Variants in PSTPIP2 observed in about 807,000 individuals in gnomAD.
PSTPIP2 encodes proline-serine-threonine phosphatase-interacting protein 2.
Under a neutral mutation model 63.3 loss-of-function variants are expected in PSTPIP2, and 33 were observed. The ratio of observed to expected loss-of-function variants is 0.52; its 90% CI spans 0.40 to 0.70. The LOEUF (loss-of-function observed/expected upper bound fraction) is 0.70. Ranked by LOEUF, PSTPIP2 falls within the 30% of genes least tolerant of loss-of-function variation. The pLI, the probability that PSTPIP2 is intolerant of heterozygous loss-of-function variation, is 0.00. For synonymous variants in PSTPIP2, 125 were observed against 132.7 expected (o/e 0.94, Z 0.40); for missense variants, 312 against 400.7 (o/e 0.78, Z 1.89).
intron 3 of PSTPIP2, among the ~76,000 whole-genome samples, chr18:46,023,361 G>C (rs1907445779): frequency 6.6e-6 from 1 of 152,080 alleles, no homozygotes; most frequent in Non-Finnish European, 1.5e-5. Flanking sequence ...GGGGGTTCAA[G>C]ACCAGCCTGA....
intron 2 of PSTPIP2, chr18:46,028,904 G>A: frequency 6.4e-7 from 1 of 1,556,052 alleles, no homozygotes; most frequent in African/African-American, 1.4e-5. Flanking sequence ...TCTCTTCCAA[G>A]AGGAATCCTG....
intron 2 of PSTPIP2, among the ~76,000 whole-genome samples, chr18:46,036,061 G>T (rs980849949): frequency 6.6e-6 from 1 of 150,480 alleles, no homozygotes; most frequent in African/African-American, 2.4e-5. Flanking sequence ...ACTGTGTTTT[G>T]TTACTTACAG....
At chr18:46,033,550 T>C (rs1907856720) in intron 2 of PSTPIP2, among the ~76,000 whole-genome samples, 1 of 151,792 alleles carries the variant, frequency 6.6e-6, no homozygotes. Flanking sequence ...GTACAAAAAT[T>C]AGCTGGGTGT....
intron 1 of PSTPIP2, among the ~76,000 whole-genome samples, chr18:46,068,360 C>T (rs773490898): frequency 2.6e-4 from 40 of 152,180 alleles, no homozygotes; most frequent in East Asian, 7.8e-4. Flanking sequence ...TGCAATGGCA[C>T]GATCTCAGCT....
intron 1 of PSTPIP2, among the ~76,000 whole-genome samples, chr18:46,051,169 T>G (rs1048277432): frequency 8.5e-5 from 13 of 152,204 alleles, no homozygotes; most frequent in South Asian, 2.1e-4. Context: ...CCTGTTTGGA[T>G]TCTCATAACA....
intron 3 of PSTPIP2, among the ~76,000 whole-genome samples, chr18:46,020,316 C>T (rs1430798078): frequency 6.6e-6 from 1 of 152,162 alleles, no homozygotes; most frequent in Non-Finnish European, 1.5e-5. Context: ...TTGAGTCTCT[C>T]AGGGTAGCCA....
intron 1 of PSTPIP2, among the ~76,000 whole-genome samples, chr18:46,050,712 C>A (rs1457757805): frequency 1.3e-5 from 2 of 151,854 alleles, no homozygotes; most frequent in Non-Finnish European, 2.9e-5. Context: ...CATAATGATA[C>A]AATATATCAG....
At chr18:46,015,356 TG>T (rs1332048597) in intron 4 of PSTPIP2, among the ~76,000 whole-genome samples, 1 of 152,196 alleles carries the variant, frequency 6.6e-6, no homozygotes, top group Non-Finnish European at 1.5e-5. Flanking sequence ...GGGGTGGCTC[TG>T]GGAGAAGAAA....
rs185455242 is a variant in PSTPIP2 at position 45,985,228 on chromosome 18, A to G, written c.*231T>C. 2.1e-3 allele frequency: 1,173 copies of G among 561,618 alleles called. 3 individuals are homozygous for G. The highest frequency in any genetic ancestry group is 3.0e-3 in the Non-Finnish European group (974 of 323,320). The allele number at this position is 561,618 out of a possible 1,614,324, so 34.8% of individuals were successfully genotyped here. A position where few individuals can be genotyped will look rare whatever the true frequency, so the allele number is the denominator to read the frequency against. On this transcript the variant is annotated 3_prime_UTR_variant, in exon 15 of 15. Transcript: ENST00000409746. ...CATTCATAACCTGAGTAACTGGGAA[A>G]GAATAATTCTTCAGAATGGGGCAAT...
At chr18:46,048,267 G>A (rs1307457174) in intron 1 of PSTPIP2, among the ~76,000 whole-genome samples, 1 of 152,186 alleles carries the variant, frequency 6.6e-6, no homozygotes, top group East Asian at 1.9e-4. Context: ...GTGAGTACAG[G>A]CAATCTCTAG....
chr18:45,999,248 C>T (rs139728536), intron 7 of PSTPIP2, among the ~76,000 whole-genome samples, 188 bp downstream of exon 7: 1 of 152,336 alleles, frequency 6.6e-6, no homozygotes, highest in African/African-American at 2.4e-5. Flanking sequence ...AGCCATGCTT[C>T]TGTCGCTCTT....
intron 1 of PSTPIP2, among the ~76,000 whole-genome samples, chr18:46,064,142 C>T (rs972897656): frequency 4.1e-4 from 63 of 152,142 alleles, no homozygotes; most frequent in Non-Finnish European, 7.4e-4. Flanking sequence ...TAAACCTCTT[C>T]CTTGTCTAGG....
At chr18:45,998,453 A>ATT (rs1250592569) in intron 8 of PSTPIP2, among the ~76,000 whole-genome samples, 1 of 152,160 alleles carries the variant, frequency 6.6e-6, no homozygotes, top group Non-Finnish European at 1.5e-5. Flanking sequence ...GAAGCACCTG[A>ATT]TTGCAAAGCC....
At chr18:46,028,210 C>T in intron 2 of PSTPIP2, 1 of 359,512 alleles carries the variant, frequency 2.8e-6, no homozygotes, top group Non-Finnish European at 5.6e-6. Flanking sequence ...CGAGCGCCTG[C>T]GTTTCTCCTC....
chr18:46,026,844 G>A (rs1225830557), intron 2 of PSTPIP2, among the ~76,000 whole-genome samples: 3 of 152,096 alleles, frequency 2.0e-5, no homozygotes, highest in Admixed American at 2.0e-4. Context: ...ACTATGATAG[G>A]AAGGAAAAGT....
intron 3 of PSTPIP2, among the ~76,000 whole-genome samples, chr18:46,017,853 C>T (rs1033086832): frequency 6.6e-6 from 1 of 152,056 alleles, no homozygotes; most frequent in Admixed American, 6.6e-5. Flanking sequence ...AATAGATCTC[C>T]TGAACTTATT....
In PSTPIP2 at chr18:45,995,277, T is replaced by C. The variant is rs578123120; in HGVS notation, c.643-1574A>G. On this transcript the variant is annotated intron_variant, in intron 9 of 14. Transcript: ENST00000409746. Reference sequence around the variant, plus strand: ...CCACCATGCCCGGCTAATTTTTATATTTCTTTGTAGAGACAAAATTTCGCT... The same window carrying C: ...CCACCATGCCCGGCTAATTTTTATACTTCTTTGTAGAGACAAAATTTCGCT... Among the ~76,000 whole-genome samples the C allele has an allele frequency of 1.1e-4, 17 of 151,972 alleles. No individual in the cohort carries two copies. In the South Asian group the frequency reaches 1.2e-3, roughly 11 times the overall value.
At chr18:46,045,224 C>T (rs1267230055) in intron 1 of PSTPIP2, among the ~76,000 whole-genome samples, 10 of 152,094 alleles carry the variant, frequency 6.6e-5, no homozygotes, top group South Asian at 2.1e-4. Context: ...ATGTTTATTG[C>T]GGCACTATTC....
At chr18:46,049,658 G>A (rs923804965) in intron 1 of PSTPIP2, among the ~76,000 whole-genome samples, 9 of 152,166 alleles carry the variant, frequency 5.9e-5, no homozygotes, top group African/African-American at 1.9e-4. Context: ...GAAGCAGGCG[G>A]ATCACTAGGT....
Sources: allele counts gnomAD v4.1 joint callset (sites outside exome capture counted in the v4.1 genomes callset), GRCh38; gene constraint gnomAD v4.1.1; transcripts MANE v1.5; gene names NCBI Gene and HGNC (gene_info 2026-07-23, HGNC 2026-07-21).